Variants in CDC42 observed in about 807,000 individuals in gnomAD.
CDC42 encodes the protein cell division control protein 42 homolog.
A neutral mutation model predicts 20.8 loss-of-function variants in CDC42; 1 was observed. That is an observed-to-expected ratio of 0.05 (90% CI 0.02 to 0.23). The LOEUF is 0.23. Among genes scored for constraint, CDC42 ranks in the 10% least tolerant of loss-of-function variants. The pLI is 1.00. For synonymous variants in CDC42, 72 were observed against 84.8 expected (o/e 0.85, Z 0.83); for missense variants, 49 against 227.9 (o/e 0.21, Z 5.05).
At chr1:22,067,597 G>A (rs1419356861) in intron 1 of CDC42, among the ~76,000 whole-genome samples, 3 of 152,138 alleles carry the variant, frequency 2.0e-5, no homozygotes, top group African/African-American at 7.2e-5. Flanking sequence ...CGCCTGCCTC[G>A]GCCTCTCAAT....
intron 3 of CDC42, among the ~76,000 whole-genome samples, 174 bp from the exon 4 acceptor site, chr1:22,086,264 CT>C (rs1645661691): frequency 6.6e-6 from 1 of 152,054 alleles, no homozygotes; most frequent in African/African-American, 2.4e-5. Flanking sequence ...GTTCTGAGTG[CT>C]TGAAGTTTGT....
At chr1:22,090,595 TATTG>T in intron 5 of CDC42, 1 of 985,836 alleles carries the variant, frequency 1.0e-6, no homozygotes. Context: ...GTGGGGAAGA[TATTG>T]ATGTATCTGC....
intron 5 of CDC42, chr1:22,090,501 T>C: frequency 1.0e-6 from 1 of 987,402 alleles, no homozygotes; most frequent in Non-Finnish European, 1.2e-6. Flanking sequence ...GAGGATTCTT[T>C]TCTGGTTTTC....
chr1:22,084,866 A>G (rs1269352828), intron 3 of CDC42, among the ~76,000 whole-genome samples: 1 of 152,072 alleles, frequency 6.6e-6, no homozygotes, highest in Non-Finnish European at 1.5e-5. Flanking sequence ...GCTTGTGAAT[A>G]TGTCATTTTC....
chr1:22,078,886 CTTTTTTT>C (rs34952712), intron 2 of CDC42: 141 of 1,001,088 alleles, frequency 1.4e-4, no homozygotes, highest in Non-Finnish European at 1.7e-4. Context: ...AATGAGGTGA[CTTTTTTT>C]TTTTTTTTTT....
At chr1:22,060,211 A>G (rs949546729) in intron 1 of CDC42, among the ~76,000 whole-genome samples, 1 of 151,944 alleles carries the variant, frequency 6.6e-6, no homozygotes, top group Non-Finnish European at 1.5e-5. Flanking sequence ...GGTGGCATGC[A>G]CCTGTAATCC....
At chr1:22,056,449 GT>G (rs1407652476) in intron 1 of CDC42, among the ~76,000 whole-genome samples, 1 of 152,098 alleles carries the variant, frequency 6.6e-6, no homozygotes, top group Non-Finnish European at 1.5e-5. Context: ...CTTAATGTTT[GT>G]TTCCTTATCT....
chr1:22,054,891 GTA>G (rs1157685736), intron 1 of CDC42, among the ~76,000 whole-genome samples: 3,769 of 71,800 alleles, frequency 0.052, 142 homozygotes, highest in African/African-American at 0.094. Flanking sequence ...TTGAATTTAT[GTA>G]TATATATATA....
At chr1:22,071,765 G>A (rs982127026) in intron 1 of CDC42, among the ~76,000 whole-genome samples, 8 of 152,086 alleles carry the variant, frequency 5.3e-5, no homozygotes, top group African/African-American at 1.9e-4. Flanking sequence ...TGTATCCTAA[G>A]TATGAAAATG....
rs1645609769 is a variant in CDC42, at chr1:22,081,705, TA to T, written c.106-16del. 5.2e-6 allele frequency: 8 copies of T among 1,546,488 alleles called. No individual in the cohort carries two copies. The highest frequency in any genetic ancestry group is 7.1e-6 in the Non-Finnish European group (8 of 1,119,024). ...CTCTCCTTGCACACTAACAGTGTTG[TA>T]TTTTTTTGTTTTTAGGTTTTTGACA... On this transcript the variant is annotated splice_polypyrimidine_tract_variant and intron_variant, in intron 2 of 5. Transcript: ENST00000656825.
At chr1:22,068,459 A>C (rs1645447939) in intron 1 of CDC42, 1 of 153,228 alleles carries the variant, frequency 6.5e-6, no homozygotes, top group Non-Finnish European at 1.5e-5. Flanking sequence ...GTCCCCACCA[A>C]GGTCTCATAT....
At chr1:22,086,960 G>T in intron 5 of CDC42, 94 bp downstream of exon 5, 2 of 983,540 alleles carry the variant, frequency 2.0e-6, no homozygotes, top group Non-Finnish European at 3.2e-6. Context: ...GATCAGCAGT[G>T]CTCAAAGATG....
At chr1:22,068,911 T>C (rs528859955) in intron 1 of CDC42, 3 of 152,316 alleles carry the variant, frequency 2.0e-5, no homozygotes, top group Admixed American at 2.0e-4. Context: ...TGTAAGGATG[T>C]CAGTTGGTAG....
In CDC42 at chr1:22,094,088, T is replaced by C. The variant is rs12087816; in HGVS notation, c.*2571T>C. 0.011 allele frequency among the ~76,000 whole-genome samples: 1,702 copies of C among 152,168 alleles called. 29 individuals carry two copies. Among genetic ancestry groups the C allele is most frequent in the African/African-American group, 0.038 (1,589 of 41,514 alleles). ...GCAGCTTAGGTTTTCCATTTAAATA[T>C]TGTTTTCTATTTGACGTAACAAACT... On this transcript the variant is annotated 3_prime_UTR_variant, in exon 6 of 6. Transcript: ENST00000656825.
chr1:22,053,513 C>A (rs1217367202), intron 1 of CDC42: 2 of 152,232 alleles, frequency 1.3e-5, no homozygotes, highest in African/African-American at 4.8e-5. Context: ...CGGGGAGTTA[C>A]CTAACTACCT....
intron 5 of CDC42, chr1:22,089,985 C>T: frequency 6.2e-7 from 1 of 1,614,022 alleles, no homozygotes; most frequent in South Asian, 1.1e-5. Flanking sequence ...CCTAGCTGCC[C>T]TCGAGCCTCC....
chr1:22,090,425 G>A, intron 5 of CDC42: 1 of 997,184 alleles, frequency 1.0e-6, no homozygotes, highest in Non-Finnish European at 1.2e-6. Context: ...ATGATCAATT[G>A]TTAATTGTAA....
At position 22,095,105 on chromosome 1, in the gene CDC42, C is replaced by G. The variant is rs925115877; in HGVS notation, c.*3588C>G. On this transcript the variant is annotated 3_prime_UTR_variant, in exon 6 of 6. Coordinates refer to ENST00000656825, the MANE Select transcript of CDC42 (RefSeq NM_001791.4). ...AGGAAGTAGCAACTCCATCATCTTT[C>G]AGGAAGGGCTGATGGTTAGGGCATC... Among the ~76,000 whole-genome samples, 8 of 152,148 alleles carry G rather than the reference C, an allele frequency of 5.3e-5. No homozygotes were observed. Among genetic ancestry groups the G allele is most frequent in the African/African-American group, 1.9e-4 (8 of 41,432 alleles).
At chr1:22,064,490 C>G (rs1453094963) in intron 1 of CDC42, among the ~76,000 whole-genome samples, 3 of 151,868 alleles carry the variant, frequency 2.0e-5, no homozygotes, top group Non-Finnish European at 2.9e-5. Flanking sequence ...CGGGTTTTGC[C>G]ATGTTGGCCA....
Sources: gnomAD v4.1 joint callset for allele counts (sites outside exome capture counted in the v4.1 genomes callset) on GRCh38, gnomAD v4.1.1 for gene constraint, MANE v1.5 for transcripts, NCBI Gene and HGNC (gene_info 2026-07-23, HGNC 2026-07-21) for gene names.